The following MOB3B variants were observed in gnomAD, a reference collection of about 807,000 sequenced individuals.
MOB3B encodes the protein MOB kinase activator-like 2B.
MOB3B carries 7 observed loss-of-function variants against 18.7 expected under a neutral mutation model. The ratio of observed to expected loss-of-function variants is 0.37; its 90% CI spans 0.21 to 0.70. MOB3B has a LOEUF of 0.70. Among genes scored for constraint, MOB3B ranks in the 30% least tolerant of loss-of-function variants. The probability of loss-of-function intolerance (pLI) is 0.52; values close to 1 mark genes in which losing one functional copy is unlikely to be tolerated. For missense variants in MOB3B, 253 were observed against 281.3 expected (o/e 0.90, Z 0.72); for synonymous variants, 111 against 99.9 (o/e 1.11, Z -0.66).
At chr9:27,405,093 C>CTTTTTTTTTTTTTTTTTTTTTTTTTT (rs74178386) in intron 2 of MOB3B, among the ~76,000 whole-genome samples, 1 of 48,370 alleles carries the variant, frequency 2.1e-5, no homozygotes, top group African/African-American at 8.8e-5. Context: ...GAACCTTTGT[C>CTTTTTTTTTTTTTTTTTTTTTTTTTT]TTTTTTTTTT....
chr9:27,490,978 C>G (rs1400707873), intron 1 of MOB3B, among the ~76,000 whole-genome samples: 1 of 21,054 alleles, frequency 4.7e-5, no homozygotes, highest in Non-Finnish European at 5.7e-4. Flanking sequence ...CATCATACAG[C>G]CTTTTTTTTT....
intron 1 of MOB3B, among the ~76,000 whole-genome samples, chr9:27,528,523 C>A (rs1820475781): frequency 6.6e-6 from 1 of 152,258 alleles, no homozygotes. Flanking sequence ...CCTCTAACCA[C>A]AAGGGCGGGG....
intron 1 of MOB3B, among the ~76,000 whole-genome samples, chr9:27,468,729 T>G (rs1278242623): frequency 6.6e-6 from 1 of 152,226 alleles, no homozygotes; most frequent in South Asian, 2.1e-4. Context: ...AAACTGTGTA[T>G]CTAAATGATT....
chr9:27,492,505 A>G (rs2253280), intron 1 of MOB3B, among the ~76,000 whole-genome samples: 139,454 of 152,234 alleles, frequency 0.92, 64,842 homozygotes, highest in East Asian at 1. Context: ...GACTCTCAAG[A>G]TGAGGTCTAC....
At chr9:27,404,395 C>T (rs979865581) in intron 2 of MOB3B, among the ~76,000 whole-genome samples, 4 of 105,416 alleles carry the variant, frequency 3.8e-5, no homozygotes, top group African/African-American at 1.5e-4. Flanking sequence ...CTCGTTCTGT[C>T]ACCAGGCTGG....
chr9:27,415,911 C>A (rs772804828), intron 2 of MOB3B, among the ~76,000 whole-genome samples: 2 of 152,068 alleles, frequency 1.3e-5, no homozygotes, highest in Non-Finnish European at 2.9e-5. Context: ...GGGTTTCGTG[C>A]GTGTATTTAT....
At chr9:27,433,755 A>C (rs548008542) in intron 2 of MOB3B, among the ~76,000 whole-genome samples, 3 of 152,262 alleles carry the variant, frequency 2.0e-5, no homozygotes, top group African/African-American at 7.2e-5. Flanking sequence ...GGGATTCTTA[A>C]TTTATGGCTT....
At chr9:27,417,081 C>T (rs28530542) in intron 2 of MOB3B, among the ~76,000 whole-genome samples, 6,021 of 152,164 alleles carry the variant, frequency 0.04, 359 homozygotes, top group African/African-American at 0.13. Flanking sequence ...ACTCAAATGC[C>T]GGCAGGGTGC....
At chr9:27,377,191 T>C (rs1821501597) in intron 2 of MOB3B, among the ~76,000 whole-genome samples, 1 of 152,196 alleles carries the variant, frequency 6.6e-6, no homozygotes, top group Non-Finnish European at 1.5e-5. Flanking sequence ...ACTATTACTG[T>C]GGTCAGGAGA....
chr9:27,490,734 A>T (rs1819803727), intron 1 of MOB3B, among the ~76,000 whole-genome samples: 1 of 152,030 alleles, frequency 6.6e-6, no homozygotes, highest in Non-Finnish European at 1.5e-5. Flanking sequence ...AGGTTTCTTG[A>T]CTCTCACTCC....
At chr9:27,406,601 C>T (rs1415324136) in intron 2 of MOB3B, among the ~76,000 whole-genome samples, 4 of 152,166 alleles carry the variant, frequency 2.6e-5, no homozygotes, top group Admixed American at 2.6e-4. Context: ...ACAGTCATCC[C>T]ATTTTCAACA....
intron 3 of MOB3B, among the ~76,000 whole-genome samples, chr9:27,345,696 G>C (rs1490825719): frequency 6.6e-6 from 1 of 152,166 alleles, no homozygotes; most frequent in Non-Finnish European, 1.5e-5. Flanking sequence ...CATATCTCTT[G>C]AGCTACAGCA....
chr9:27,396,070 G>A (rs1335556623), intron 2 of MOB3B, among the ~76,000 whole-genome samples: 4 of 151,946 alleles, frequency 2.6e-5, no homozygotes, highest in Non-Finnish European at 4.4e-5. Context: ...GTGTGGGGGA[G>A]GGCTCTAAAA....
At chr9:27,518,336 T>C (rs1820271395) in intron 1 of MOB3B, among the ~76,000 whole-genome samples, 1 of 152,206 alleles carries the variant, frequency 6.6e-6, no homozygotes, top group Non-Finnish European at 1.5e-5. Flanking sequence ...TCCACATCTA[T>C]TCACTGAGTA....
chr9:27,379,616 G>C (rs1270269166), intron 2 of MOB3B, among the ~76,000 whole-genome samples: 1 of 152,134 alleles, frequency 6.6e-6, no homozygotes, highest in Non-Finnish European at 1.5e-5. Flanking sequence ...CTTACCATAG[G>C]AGCAGAAGGC....
chr9:27,455,516 T>A lies in MOB3B; in HGVS notation c.35A>T (p.Asp12Val). 3.7e-6 allele frequency: 6 copies of A among 1,614,174 alleles called. No individual in the cohort carries two copies. Among genetic ancestry groups the A allele is most frequent in the Non-Finnish European group, 4.2e-6 (5 of 1,180,022 alleles). ...SIALKQVFNKDKTFRPKRKFE... is the reference protein window; with the variant it reads ...SIALKQVFNKVKTFRPKRKFE... ...TTTCCTCTTGGGTCGGAAGGTCTTG[T>A]CCTTGTTGAATACCTGCTTCAGGGC... Residue 12 changes from aspartate to valine, a missense_variant, in exon 2 of 4, where the codon GAC becomes GTC. Asp to Val is a radical substitution (Grantham distance 152). Transcript: ENST00000262244.
chr9:27,360,087 C>G (rs542752937), intron 2 of MOB3B, among the ~76,000 whole-genome samples: 1 of 152,300 alleles, frequency 6.6e-6, no homozygotes, highest in South Asian at 2.1e-4. Flanking sequence ...ATAAGGTCTT[C>G]CTTAAATGGC....
intron 2 of MOB3B, among the ~76,000 whole-genome samples, chr9:27,423,686 T>C (rs1822288850): frequency 6.6e-6 from 1 of 152,104 alleles, no homozygotes; most frequent in African/African-American, 2.4e-5. Flanking sequence ...ACTACAAGAG[T>C]AGAAGTTACA....
chr9:27,342,516 A>G (rs1323528874), intron 3 of MOB3B, among the ~76,000 whole-genome samples: 2 of 151,676 alleles, frequency 1.3e-5, no homozygotes, highest in Admixed American at 1.3e-4. Context: ...AAGTTGTGAA[A>G]GCCAAGGCTG....
Sources: gnomAD v4.1 joint callset for allele counts (sites outside exome capture counted in the v4.1 genomes callset) on GRCh38, gnomAD v4.1.1 for gene constraint, MANE v1.5 for transcripts, NCBI Gene and HGNC (gene_info 2026-07-23, HGNC 2026-07-21) for gene names.